WDFY4: variants seen among roughly 807,000 people sequenced by gnomAD.
WDFY4 encodes the protein WDFY family member 4.
In WDFY4, 169 loss-of-function variants were observed where a neutral mutation model predicts 351.9. That is an observed-to-expected ratio of 0.48 (90% CI 0.42 to 0.55). The LOEUF is 0.55. Among genes scored for constraint, WDFY4 ranks in the 20% least tolerant of loss-of-function variants. The pLI is 0.00. For missense variants in WDFY4, 3,803 were observed against 3,935.6 expected (o/e 0.97, Z 0.90); for synonymous variants, 1,622 against 1,574.6 (o/e 1.03, Z -0.71).
At chr10:48,860,603 G>C (rs1406554727) in intron 39 of WDFY4, among the ~76,000 whole-genome samples, 1 of 152,068 alleles carries the variant, frequency 6.6e-6, no homozygotes, top group Non-Finnish European at 1.5e-5. Flanking sequence ...TATGAATTTG[G>C]GGGAACACAA....
chr10:48,695,674 G>C (rs896165245), intron 1 of WDFY4, among the ~76,000 whole-genome samples: 3 of 152,122 alleles, frequency 2.0e-5, no homozygotes, highest in African/African-American at 7.2e-5. Context: ...ACCGAGCCCT[G>C]ATCGGCTCCC....
intron 43 of WDFY4, among the ~76,000 whole-genome samples, chr10:48,882,400 C>T (rs1035299256): frequency 6.6e-6 from 1 of 152,206 alleles, no homozygotes; most frequent in African/African-American, 2.4e-5. Flanking sequence ...AAAATGTCAA[C>T]AGCTAGATGT....
chr10:48,905,017 G>A (rs1208762173), intron 47 of WDFY4, among the ~76,000 whole-genome samples: 1 of 152,166 alleles, frequency 6.6e-6, no homozygotes. Flanking sequence ...CTCTCTCCCT[G>A]GAGCAATGCT....
chr10:48,830,840 C>T lies in WDFY4; in HGVS notation c.6481C>T (p.Pro2161Ser), dbSNP rs1370860811. 9 of 1,551,506 alleles carry T rather than the reference C, an allele frequency of 5.8e-6. No homozygotes were observed. The highest frequency in any genetic ancestry group is 1.2e-5 in the South Asian group (1 of 84,064). The change falls in exon 38 of 62, where the codon CCG becomes TCG. Residue 2161 changes from proline to serine, a missense_variant. Pro to Ser is a moderately conservative substitution (Grantham distance 74). Around this residue, in one of 3 missense-constraint regions of WDFY4, gnomAD observed 3,054 missense variants for 3,148.6 expected, o/e 0.97. Transcript: ENST00000325239. ...EREVKIEEVT[P>S]LWEETMLKAW... ...GGAAGTGAAGATTGAAGAGGTCACA[C>T]CGCTCTGGGAGGAGACGATGCTCAA...
Position 48,900,421 on chromosome 10 carries a change from AC to A in WDFY4, c.7523+116del, listed in dbSNP as rs1837297185. 2.7e-5 allele frequency: 26 copies of A among 971,906 alleles called. 1 individual carries two copies. The South Asian group carries it at 4.2e-4, about 16-fold the overall frequency. The allele number at this position is 971,906 out of a possible 1,614,324, so 60.2% of individuals were successfully genotyped here. A position where few individuals can be genotyped will look rare whatever the true frequency, so the allele number is the denominator to read the frequency against. On this transcript the variant is annotated intron_variant, in intron 46 of 61. Coordinates refer to ENST00000325239, the MANE Select transcript of WDFY4 (RefSeq NM_001394531.1). ...GTGTTCTCAACCCACAGTGAACGCC[AC>A]TCAGGCTGGGCCCAGGGAGGCACTG... is the stretch of plus-strand genomic sequence containing the variant.
At chr10:48,686,597 A>G (rs989028656) in intron 1 of WDFY4, among the ~76,000 whole-genome samples, 19 of 152,218 alleles carry the variant, frequency 1.2e-4, no homozygotes, top group African/African-American at 4.3e-4. Flanking sequence ...TGAACTCTGT[A>G]AACATGGAAT....
chr10:48,905,892 T>C (rs1417618949), intron 47 of WDFY4, among the ~76,000 whole-genome samples: 1 of 152,216 alleles, frequency 6.6e-6, no homozygotes, highest in Non-Finnish European at 1.5e-5. Flanking sequence ...AACAGAAGAA[T>C]TGATTAAAAG....
chr10:48,818,564 G>T (rs12260555), intron 32 of WDFY4, among the ~76,000 whole-genome samples: 25,415 of 152,162 alleles, frequency 0.17, 2,591 homozygotes, highest in African/African-American at 0.28. Flanking sequence ...TTGATTGCAA[G>T]AATGAAATGT....
intron 58 of WDFY4, 67 bp downstream of exon 58, chr10:48,975,108 A>AG: frequency 6.5e-7 from 1 of 1,547,192 alleles, no homozygotes. Flanking sequence ...AACACTCAGG[A>AG]GAAAGCCCAG....
chr10:48,793,338 T>C (rs780104511), intron 23 of WDFY4, among the ~76,000 whole-genome samples: 1 of 152,148 alleles, frequency 6.6e-6, no homozygotes, highest in Non-Finnish European at 1.5e-5. Context: ...GAAGGCAGAA[T>C]AAGGAAAATT....
chr10:48,804,973 A>T (rs937055633), intron 25 of WDFY4, among the ~76,000 whole-genome samples: 2 of 152,020 alleles, frequency 1.3e-5, no homozygotes, highest in African/African-American at 4.8e-5. Context: ...TGAGGCCAGC[A>T]CTAGTTTTCC....
intron 35 of WDFY4, chr10:48,824,290 T>C (rs1207374421): frequency 2.9e-6 from 2 of 693,018 alleles, no homozygotes; most frequent in Admixed American, 6.3e-5. Flanking sequence ...TTAGCGTCTA[T>C]GGTGTTTTTA....
At chr10:48,723,321 A>C in intron 4 of WDFY4, 112 bp from the exon 5 acceptor site, 2 of 1,335,068 alleles carry the variant, frequency 1.5e-6, no homozygotes, top group Non-Finnish European at 2.0e-6. Flanking sequence ...TGGAGCCCAG[A>C]GGGACTGTCC....
intron 3 of WDFY4, among the ~76,000 whole-genome samples, chr10:48,720,726 C>T (rs1405183526): frequency 6.6e-6 from 1 of 152,164 alleles, no homozygotes; most frequent in Non-Finnish European, 1.5e-5. Context: ...CCTGTGTGTT[C>T]AGTGGAGCTC....
At chr10:48,855,434 T>G (rs1254327416) in intron 39 of WDFY4, among the ~76,000 whole-genome samples, 1 of 152,120 alleles carries the variant, frequency 6.6e-6, no homozygotes. Flanking sequence ...TGGTCTGGCT[T>G]ATTTCACTGC....
At chr10:48,913,247 G>T in intron 47 of WDFY4, 1 of 759,834 alleles carries the variant, frequency 1.3e-6, no homozygotes, top group South Asian at 1.7e-5. Context: ...CACACGCCGA[G>T]AAAGTAAGGA....
At position 48,974,519 on chromosome 10, in the gene WDFY4, A is replaced by C. The variant is rs139036381; in HGVS notation, c.8929-343A>C. On this transcript the variant is annotated intron_variant, in intron 57 of 61. Transcript: ENST00000325239. ...CTCCGTCTCAAAAAAAAAAAAAAAA[A>C]AAAAAAAAAACAACTCATGACATGA... Among the ~76,000 whole-genome samples, 38 of 49,924 alleles carry C rather than the reference A, an allele frequency of 7.6e-4. 6 individuals carry two copies. Among genetic ancestry groups the C allele is most frequent in the Non-Finnish European group, 1.0e-3 (29 of 27,748 alleles). The allele number at this position is 49,924 out of a possible 152,430, so 32.8% of individuals were successfully genotyped here.
chr10:48,774,429 G>T, intron 13 of WDFY4, 29 bp from the exon 14 acceptor site: 2 of 1,550,572 alleles, frequency 1.3e-6, no homozygotes, highest in Non-Finnish European at 1.7e-6. Flanking sequence ...TGCCCTGGAG[G>T]GCTCACAGCT....
At chr10:48,800,796 G>C (rs1451640403) in intron 24 of WDFY4, among the ~76,000 whole-genome samples, 1 of 146,298 alleles carries the variant, frequency 6.8e-6, no homozygotes, top group Non-Finnish European at 1.5e-5. Flanking sequence ...GCAGTGGTGC[G>C]ATCTCAGCTC....
Sources: allele counts gnomAD v4.1 joint callset (sites outside exome capture counted in the v4.1 genomes callset), GRCh38; gene constraint gnomAD v4.1.1; regional missense constraint gnomAD v4.1.1; transcripts MANE v1.5; gene names NCBI Gene and HGNC (gene_info 2026-07-23, HGNC 2026-07-21).